DMD: variants seen among roughly 807,000 people sequenced by gnomAD.
The protein encoded by DMD is mutant dystrophin.
A neutral mutation model predicts 330.1 loss-of-function variants in DMD; 63 were observed. That is an observed-to-expected ratio of 0.19 (90% CI 0.16 to 0.24). The LOEUF is 0.24. Among genes scored for constraint, DMD ranks in the 10% least tolerant of loss-of-function variants. The pLI is 1.00. For synonymous variants in DMD, 1,223 were observed against 959.8 expected (o/e 1.27, Z -5.07); for missense variants, 3,344 against 2,684.1 (o/e 1.25, Z -5.43).
At chrX:32,814,506 C>G (rs2077581685) in intron 6 of DMD, among the ~76,000 whole-genome samples, 1 of 111,681 alleles carries the variant, frequency 9.0e-6, no homozygotes, top group Non-Finnish European at 1.9e-5. Flanking sequence ...CCATTTTTTT[C>G]TTTAGATAAA....
intron 44 of DMD, among the ~76,000 whole-genome samples, chrX:32,036,840 G>C (rs749700706): frequency 9.0e-6 from 1 of 111,657 alleles, no homozygotes; most frequent in African/African-American, 3.3e-5. Flanking sequence ...GGAGTTAAGA[G>C]TGTAGAGTCA....
intron 60 of DMD, among the ~76,000 whole-genome samples, chrX:31,391,308 T>C (rs1306079728): frequency 1.8e-5 from 2 of 110,019 alleles, no homozygotes; most frequent in Admixed American, 9.8e-5. Flanking sequence ...GGTTTCACCA[T>C]GTTGGTCAGG....
At chrX:32,123,237 A>ATATG (rs1188657880) in intron 44 of DMD, among the ~76,000 whole-genome samples, 1 of 85,665 alleles carries the variant, frequency 1.2e-5, no homozygotes, top group African/African-American at 4.3e-5. Context: ...ATATATATAT[A>ATATG]TATATAAATG....
chrX:31,710,156 G>A (rs181701147), intron 52 of DMD, among the ~76,000 whole-genome samples: 7 of 111,716 alleles, frequency 6.3e-5, no homozygotes, highest in East Asian at 5.6e-4. Flanking sequence ...GGGAAATGTC[G>A]TTTTGAAAGG....
chrX:32,098,834 C>A (rs1422322919), intron 44 of DMD, among the ~76,000 whole-genome samples: 5 of 112,100 alleles, frequency 4.5e-5, no homozygotes, highest in Non-Finnish European at 7.5e-5. Context: ...TTTGTTTCAT[C>A]TCTTCATTTT....
intron 2 of DMD, among the ~76,000 whole-genome samples, chrX:32,956,236 G>T (rs1171965912): frequency 9.0e-6 from 1 of 111,654 alleles, no homozygotes; most frequent in Non-Finnish European, 1.9e-5. Context: ...GAATAGCATT[G>T]AATCTAATAA....
At chrX:31,539,365 A>G (rs1394640005) in intron 55 of DMD, among the ~76,000 whole-genome samples, 1 of 112,257 alleles carries the variant, frequency 8.9e-6, no homozygotes, top group African/African-American at 3.2e-5. Flanking sequence ...CTTCTAGCCT[A>G]CGTCCCTTCC....
chrX:32,898,301 C>T (rs988390115), intron 2 of DMD, among the ~76,000 whole-genome samples: 1 of 111,939 alleles, frequency 8.9e-6, no homozygotes, highest in Admixed American at 9.5e-5. Context: ...AAGATTTGAA[C>T]TGGTAGCCAT....
At chrX:31,843,826 C>T (rs6527125) in intron 48 of DMD, among the ~76,000 whole-genome samples, 1 of 110,268 alleles carries the variant, frequency 9.1e-6, no homozygotes, top group Non-Finnish European at 1.9e-5. Flanking sequence ...TTTTCTTCTG[C>T]GATTCTTCTA....
At chrX:32,130,862 A>G (rs754241954) in intron 44 of DMD, among the ~76,000 whole-genome samples, 2 of 112,071 alleles carry the variant, frequency 1.8e-5, no homozygotes, top group Admixed American at 1.9e-4. Flanking sequence ...ACTTTTCTGT[A>G]TAAGACATAT....
Position 32,293,802 on chromosome X carries a change from C to T in DMD, c.6118-6101G>A, listed in dbSNP as rs1012163484. Among the ~76,000 whole-genome samples, 3 of 111,654 alleles carry T rather than the reference C, an allele frequency of 2.7e-5. No homozygotes were observed. The Admixed American group carries it at 2.9e-4, about 11-fold the overall frequency. On this transcript the variant is annotated intron_variant, in intron 42 of 78. Transcript: ENST00000357033. Reference sequence around the variant, plus strand: ...TCAAACAATATATCCATGTAACAAACCTGCACATGTATTCCTGAATCTAAA... The same window carrying T: ...TCAAACAATATATCCATGTAACAAATCTGCACATGTATTCCTGAATCTAAA...
chrX:32,332,535 CG>C (rs2097686080), intron 41 of DMD, among the ~76,000 whole-genome samples: 1 of 108,272 alleles, frequency 9.2e-6, no homozygotes, highest in African/African-American at 3.4e-5. Flanking sequence ...CATGGAGAAA[CG>C]GGGGAGGATT....
chrX:32,240,500 G>A (rs913282452), intron 43 of DMD, among the ~76,000 whole-genome samples: 10 of 111,424 alleles, frequency 9.0e-5, no homozygotes, highest in African/African-American at 3.3e-4. Context: ...CTCCAGAACG[G>A]TGAGAAATAA....
chrX:33,044,158 G>C (rs5927134), intron 1 of DMD, among the ~76,000 whole-genome samples: 1 of 111,321 alleles, frequency 9.0e-6, no homozygotes, highest in African/African-American at 3.3e-5. Flanking sequence ...GAGCCCAGGC[G>C]CAGTGGCTCA....
At chrX:31,209,901 G>A (rs1439951705) in intron 64 of DMD, among the ~76,000 whole-genome samples, 1 of 111,623 alleles carries the variant, frequency 9.0e-6, no homozygotes, top group African/African-American at 3.3e-5. Context: ...AGGATCTGAA[G>A]TTGTTCTTAA....
chrX:32,429,361 C>A (rs1259426821), intron 29 of DMD, among the ~76,000 whole-genome samples: 1 of 90,680 alleles, frequency 1.1e-5, no homozygotes, highest in Non-Finnish European at 2.1e-5. Context: ...AGGCACCCAC[C>A]ACCAAGCCTG....
At chrX:32,571,130 T>C (rs771887613) in intron 15 of DMD, among the ~76,000 whole-genome samples, 3 of 111,821 alleles carry the variant, frequency 2.7e-5, no homozygotes, top group Non-Finnish European at 3.8e-5. Flanking sequence ...ACCATTATGA[T>C]TGACCGTCTG....
At chrX:32,060,929 C>T (rs1017211103) in intron 44 of DMD, among the ~76,000 whole-genome samples, 1 of 111,355 alleles carries the variant, frequency 9.0e-6, no homozygotes, top group African/African-American at 3.3e-5. Context: ...CTGGACAACT[C>T]ACTTAGCCTC....
intron 44 of DMD, among the ~76,000 whole-genome samples, chrX:32,190,549 T>G (rs2096969204): frequency 1.8e-5 from 1 of 56,504 alleles, no homozygotes; most frequent in Admixed American, 2.6e-4. Context: ...TATTTAAAAT[T>G]TTATATATAT....
Sources: gnomAD v4.1 joint callset for allele counts (sites outside exome capture counted in the v4.1 genomes callset) on GRCh38, gnomAD v4.1.1 for gene constraint, MANE v1.5 for transcripts, NCBI Gene and HGNC (gene_info 2026-07-23, HGNC 2026-07-21) for gene names.